BANF2: variants seen among roughly 807,000 people sequenced by gnomAD.
The protein encoded by BANF2 is BANF family member 2, also known as barrier-to-autointegration factor-like protein.
In BANF2, 4 loss-of-function variants were observed where a neutral mutation model predicts 8.0. The ratio of observed to expected loss-of-function variants is 0.50; its 90% confidence interval spans 0.25 to 1.14. BANF2 has a LOEUF of 1.14. BANF2 is among the 50% of genes most tolerant of loss of function. The pLI is 0.16. For missense variants in BANF2, 96 were observed against 107.5 expected (o/e 0.89, Z 0.47); for synonymous variants, 50 against 40.6 (o/e 1.23, Z -0.88).
chr20:17,735,430 C>T (rs2037963165), intron 3 of BANF2, among the ~76,000 whole-genome samples: 1 of 152,190 alleles, frequency 6.6e-6, no homozygotes, highest in Non-Finnish European at 1.5e-5. Context: ...CTGACTCATT[C>T]CAGGGTGGAC....
chr20:17,709,178 T>C (rs1448366940), intron 1 of BANF2, among the ~76,000 whole-genome samples: 1 of 152,178 alleles, frequency 6.6e-6, no homozygotes, highest in East Asian at 1.9e-4. Context: ...GGGTCTTAAG[T>C]AGGTCTTTGC....
At chr20:17,719,100 G>A (rs867045758) in intron 1 of BANF2, among the ~76,000 whole-genome samples, 1 of 152,138 alleles carries the variant, frequency 6.6e-6, no homozygotes, top group Non-Finnish European at 1.5e-5. Flanking sequence ...TTTGCCAGGT[G>A]CATGGTTGTT....
intron 1 of BANF2, among the ~76,000 whole-genome samples, chr20:17,705,033 G>A (rs2037462145): frequency 6.7e-6 from 1 of 150,074 alleles, no homozygotes; most frequent in Non-Finnish European, 1.5e-5. Context: ...GTGGCCAGGA[G>A]GATGTGTTAC....
intron 1 of BANF2, among the ~76,000 whole-genome samples, chr20:17,694,057 C>A (rs1188889852): frequency 1.3e-5 from 2 of 152,240 alleles, no homozygotes; most frequent in Non-Finnish European, 1.5e-5. Flanking sequence ...GAACTGAATA[C>A]ATACAACGTG....
At chr20:17,708,898 C>T (rs969647015) in intron 1 of BANF2, among the ~76,000 whole-genome samples, 7 of 152,176 alleles carry the variant, frequency 4.6e-5, no homozygotes, top group African/African-American at 1.7e-4. Context: ...GTTGTTTGTC[C>T]AAGCGCATGT....
intron 1 of BANF2, chr20:17,712,064 C>T (rs1033809083): frequency 3.3e-5 from 5 of 152,616 alleles, no homozygotes; most frequent in African/African-American, 4.8e-5. Context: ...TGAATACCCA[C>T]GGAATCTGCA....
chr20:17,694,449 G>C (rs193097019), intron 1 of BANF2, among the ~76,000 whole-genome samples: 4 of 152,082 alleles, frequency 2.6e-5, no homozygotes, highest in Admixed American at 2.0e-4. Context: ...GAACTGAGTG[G>C]AAGCTGGTGA....
At chr20:17,716,617 C>A (rs2037656579) in intron 1 of BANF2, among the ~76,000 whole-genome samples, 2 of 151,020 alleles carry the variant, frequency 1.3e-5, no homozygotes, top group Admixed American at 1.3e-4. Flanking sequence ...TAATCCTAGC[C>A]CTTTGGGAGG....
intron 1 of BANF2, among the ~76,000 whole-genome samples, chr20:17,708,046 C>CAAAAAA (rs1491179991): frequency 2.7e-5 from 3 of 111,784 alleles, no homozygotes; most frequent in Non-Finnish European, 3.6e-5. Flanking sequence ...TACTAAAAAT[C>CAAAAAA]AAAAAAAAAA....
At chr20:17,715,958 C>T (rs1280696509) in intron 1 of BANF2, among the ~76,000 whole-genome samples, 1 of 152,202 alleles carries the variant, frequency 6.6e-6, no homozygotes, top group African/African-American at 2.4e-5. Context: ...TGCTTTCCTC[C>T]ACCCTGGCTT....
intron 1 of BANF2, among the ~76,000 whole-genome samples, chr20:17,714,067 A>G (rs430163): frequency 0.41 from 62,120 of 151,104 alleles, 13,269 homozygotes; most frequent in Middle Eastern, 0.5. Context: ...TTAGCCAGGC[A>G]TGGTGACAGG....
intron 1 of BANF2, among the ~76,000 whole-genome samples, chr20:17,694,599 C>CTTTTTTTTTTTTTTTTT (rs1256251082): frequency 7.2e-5 from 6 of 82,784 alleles, no homozygotes; most frequent in East Asian, 5.1e-4. Flanking sequence ...TTTTTTCTCT[C>CTTTTTTTTTTTTTTTTT]TCTTTTTTTT....
chr20:17,727,489 G>A (rs1175938400), intron 3 of BANF2, among the ~76,000 whole-genome samples: 2 of 152,188 alleles, frequency 1.3e-5, no homozygotes, highest in African/African-American at 4.8e-5. Flanking sequence ...GTTATGCCCG[G>A]CAGGGAGGAG....
intron 3 of BANF2, among the ~76,000 whole-genome samples, chr20:17,725,969 GCCATGGTTTTCTGATTACC>G (rs2037803767): frequency 6.6e-6 from 1 of 152,114 alleles, no homozygotes; most frequent in Non-Finnish European, 1.5e-5. Flanking sequence ...AACCATGAGA[GCCATGGTTTTCTGATTACC>G]CCATTGCTCT....
chr20:17,703,494 A>G (rs2037438779), intron 1 of BANF2, among the ~76,000 whole-genome samples: 1 of 152,216 alleles, frequency 6.6e-6, no homozygotes, highest in Non-Finnish European at 1.5e-5. Context: ...TGACAAAATA[A>G]CATGAGCACA....
intron 1 of BANF2, chr20:17,712,416 C>A: frequency 2.0e-6 from 1 of 493,848 alleles, no homozygotes; most frequent in Non-Finnish European, 2.6e-6. Context: ...CTGTTGTTGT[C>A]ATCTCCTGCC....
upstream of BANF2, among the ~76,000 whole-genome samples, chr20:17,699,099 T>A (rs1489066416): frequency 1.3e-5 from 2 of 152,022 alleles, no homozygotes; most frequent in East Asian, 3.8e-4. Context: ...TTTTAACGAG[T>A]CTTCCAGGTC....
At chr20:17,716,012 G>A (rs1168980729) in intron 1 of BANF2, among the ~76,000 whole-genome samples, 3 of 152,150 alleles carry the variant, frequency 2.0e-5, no homozygotes, top group East Asian at 1.9e-4. Flanking sequence ...CCATGACCAC[G>A]GTAGGCTCAG....
intron 1 of BANF2, among the ~76,000 whole-genome samples, chr20:17,707,332 G>C (rs970552648): frequency 2.7e-5 from 4 of 149,330 alleles, no homozygotes; most frequent in Non-Finnish European, 5.9e-5. Flanking sequence ...GCAGTGAACC[G>C]AGATCGCACC....
Sources: allele counts gnomAD v4.1 joint callset (sites outside exome capture counted in the v4.1 genomes callset), GRCh38; gene constraint gnomAD v4.1.1; transcripts MANE v1.5; gene names NCBI Gene and HGNC (gene_info 2026-07-23, HGNC 2026-07-21).